CDH13: variants seen among roughly 807,000 people sequenced by gnomAD.
CDH13 encodes the protein cadherin 13.
CDH13 carries 24 observed loss-of-function variants against 63.8 expected under a neutral mutation model. The ratio of observed to expected loss-of-function variants is 0.38; its 90% confidence interval spans 0.27 to 0.53. The LOEUF (loss-of-function observed/expected upper bound fraction) is 0.53, where lower values mean the gene tolerates loss of function less well. Among genes scored for constraint, CDH13 ranks in the 20% least tolerant of loss-of-function variants. The pLI, the probability that CDH13 is intolerant of heterozygous loss-of-function variation, is 0.85. For missense variants in CDH13, 1,049 were observed against 903.1 expected (o/e 1.16, Z -2.07); for synonymous variants, 503 against 355.3 (o/e 1.42, Z -4.67).
intron 2 of CDH13, chr16:82,859,480 C>T (rs2039842150): frequency 6.6e-6 from 1 of 152,116 alleles, no homozygotes; most frequent in African/African-American, 2.4e-5. Flanking sequence ...ATCGCTTTAA[C>T]CCAGGAGGTG....
chr16:83,145,166 G>C (rs1328316669), intron 4 of CDH13, among the ~76,000 whole-genome samples: 1 of 152,126 alleles, frequency 6.6e-6, no homozygotes, highest in Non-Finnish European at 1.5e-5. Context: ...ATCCAATTCG[G>C]CTTTAATTAC....
chr16:83,099,196 A>G (rs544097740), intron 3 of CDH13, among the ~76,000 whole-genome samples: 9 of 152,306 alleles, frequency 5.9e-5, no homozygotes, highest in African/African-American at 1.2e-4. Context: ...ATATATTTGA[A>G]CAGTATCTCA....
chr16:83,549,578 C>G (rs2075452367), intron 7 of CDH13, among the ~76,000 whole-genome samples: 1 of 151,790 alleles, frequency 6.6e-6, no homozygotes, highest in African/African-American at 2.4e-5. Flanking sequence ...TAGAGCACTC[C>G]CTAACCCCAC....
chr16:83,408,459 C>T (rs2092079601), intron 6 of CDH13, among the ~76,000 whole-genome samples: 1 of 152,178 alleles, frequency 6.6e-6, no homozygotes, highest in South Asian at 2.1e-4. Context: ...GGCTACAAAC[C>T]TGTACGGCTG....
At chr16:82,892,039 C>T (rs2041098525) in intron 2 of CDH13, among the ~76,000 whole-genome samples, 1 of 152,128 alleles carries the variant, frequency 6.6e-6, no homozygotes, top group South Asian at 2.1e-4. Flanking sequence ...CTTCCAACCT[C>T]AGCTCGTCCC....
At chr16:83,294,427 C>A (rs1209291145) in intron 5 of CDH13, among the ~76,000 whole-genome samples, 1 of 152,142 alleles carries the variant, frequency 6.6e-6, no homozygotes, top group Non-Finnish European at 1.5e-5. Flanking sequence ...CTGGCAACCA[C>A]CATTCTACTC....
chr16:83,176,381 G>T (rs567719522), intron 4 of CDH13, among the ~76,000 whole-genome samples: 1 of 151,578 alleles, frequency 6.6e-6, no homozygotes, highest in Non-Finnish European at 1.5e-5. Flanking sequence ...GTGGTGGCAG[G>T]TGCCTGTAAT....
intron 1 of CDH13, among the ~76,000 whole-genome samples, chr16:82,703,299 G>A (rs762935034): frequency 4.0e-5 from 6 of 151,714 alleles, no homozygotes; most frequent in Non-Finnish European, 5.9e-5. Context: ...CTTATGTTCC[G>A]TCCCCCCACC....
At chr16:83,148,001 T>C (rs922913764) in intron 4 of CDH13, among the ~76,000 whole-genome samples, 1 of 152,160 alleles carries the variant, frequency 6.6e-6, no homozygotes, top group African/African-American at 2.4e-5. Context: ...TGGTACGATG[T>C]TTGCTTAATG....
At chr16:82,952,112 C>G (rs1905379798) in intron 2 of CDH13, among the ~76,000 whole-genome samples, 1 of 152,172 alleles carries the variant, frequency 6.6e-6, no homozygotes, top group African/African-American at 2.4e-5. Flanking sequence ...AGACATTTTT[C>G]CACACTCAGA....
intron 1 of CDH13, among the ~76,000 whole-genome samples, chr16:82,822,519 C>G (rs1296886069): frequency 6.6e-6 from 1 of 152,048 alleles, no homozygotes; most frequent in Non-Finnish European, 1.5e-5. Flanking sequence ...TTTGTATAAA[C>G]AGGGTCTCAT....
At chr16:83,433,680 C>T (rs1406929110) in intron 6 of CDH13, among the ~76,000 whole-genome samples, 1 of 152,198 alleles carries the variant, frequency 6.6e-6, no homozygotes, top group Non-Finnish European at 1.5e-5. Flanking sequence ...CTCTCAAGTC[C>T]AGTTGTGTGG....
intron 6 of CDH13, among the ~76,000 whole-genome samples, chr16:83,387,535 G>T (rs2091698742): frequency 6.6e-6 from 1 of 152,122 alleles, no homozygotes; most frequent in African/African-American, 2.4e-5. Context: ...TAAATGAACT[G>T]AACAAACCTC....
At chr16:83,474,594 G>A (rs116906902) in intron 6 of CDH13, among the ~76,000 whole-genome samples, 158 of 152,300 alleles carry the variant, frequency 1.0e-3, no homozygotes, top group Non-Finnish European at 2.0e-3. Context: ...AAAAACAAGA[G>A]GGTGGGGGAA....
intron 3 of CDH13, among the ~76,000 whole-genome samples, chr16:83,096,165 C>T (rs902428702): frequency 6.6e-6 from 1 of 152,184 alleles, no homozygotes; most frequent in East Asian, 1.9e-4. Context: ...CCTGTACCAG[C>T]TATCATTGCG....
intron 8 of CDH13, among the ~76,000 whole-genome samples, chr16:83,613,707 C>T (rs1909050501): frequency 6.6e-6 from 1 of 152,068 alleles, no homozygotes; most frequent in Non-Finnish European, 1.5e-5. Flanking sequence ...GTGGCGCCCA[C>T]CTGTAGTCTC....
At chr16:82,868,813 G>T (rs977839709) in intron 2 of CDH13, among the ~76,000 whole-genome samples, 1 of 152,202 alleles carries the variant, frequency 6.6e-6, no homozygotes, top group Non-Finnish European at 1.5e-5. Context: ...TTTCTGGGTA[G>T]TGTTGCGTCT....
At chr16:83,066,446 G>A (rs986138659) in intron 3 of CDH13, among the ~76,000 whole-genome samples, 1 of 152,154 alleles carries the variant, frequency 6.6e-6, no homozygotes, top group African/African-American at 2.4e-5. Flanking sequence ...AAGCTGGGAG[G>A]CCTTCTGACC....
chr16:83,133,675 T>A (rs1444311626), intron 4 of CDH13, among the ~76,000 whole-genome samples: 3 of 152,046 alleles, frequency 2.0e-5, no homozygotes, highest in Admixed American at 2.0e-4. Context: ...ACTTTTGTAT[T>A]TTTGGTAGAG....
Sources: allele counts gnomAD v4.1 joint callset (sites outside exome capture counted in the v4.1 genomes callset), GRCh38; gene constraint gnomAD v4.1.1; transcripts MANE v1.5; gene names NCBI Gene and HGNC (gene_info 2026-07-23, HGNC 2026-07-21).